SMG6: variants seen among roughly 807,000 people sequenced by gnomAD.
SMG6 encodes the protein SMG6 nonsense mediated mRNA decay factor.
SMG6 carries 66 observed loss-of-function variants against 142.2 expected under a neutral mutation model. The observed-to-expected ratio is 0.46, with a 90% CI of 0.38 to 0.57. The LOEUF is 0.57. Among genes scored for constraint, SMG6 ranks in the 20% least tolerant of loss-of-function variants. The pLI, the probability that SMG6 is intolerant of heterozygous loss-of-function variation, is 0.00. For missense variants in SMG6, 1,793 were observed against 1,832.0 expected (o/e 0.98, Z 0.39); for synonymous variants, 779 against 702.4 (o/e 1.11, Z -1.72).
chr17:2,303,367 G>A (rs1470229886), intron 1 of SMG6: 16 of 1,223,634 alleles, frequency 1.3e-5, no homozygotes, highest in Non-Finnish European at 2.0e-6. Flanking sequence ...GGGGCAAAAG[G>A]AACAGTCACC....
At chr17:2,203,905 G>A (rs2072604317) in intron 10 of SMG6, among the ~76,000 whole-genome samples, 1 of 152,158 alleles carries the variant, frequency 6.6e-6, no homozygotes, top group Non-Finnish European at 1.5e-5. Flanking sequence ...AGAGGGGCAG[G>A]GAAGTGTTCT....
At chr17:2,182,884 C>T (rs1202587953) in intron 12 of SMG6, among the ~76,000 whole-genome samples, 3 of 134,078 alleles carry the variant, frequency 2.2e-5, no homozygotes, top group Admixed American at 1.7e-4. Context: ...AAGAGGGAAA[C>T]GAGAAATGGC....
intron 3 of SMG6, 26 bp from the exon 4 acceptor site, chr17:2,297,379 T>G: frequency 1.3e-6 from 2 of 1,546,350 alleles, no homozygotes; most frequent in Non-Finnish European, 1.8e-6. Flanking sequence ...AAGAAATGAC[T>G]GAATCAATCT....
At chr17:2,064,755 C>T (rs2067888604) in intron 18 of SMG6, among the ~76,000 whole-genome samples, 1 of 151,646 alleles carries the variant, frequency 6.6e-6, no homozygotes, top group Admixed American at 6.6e-5. Flanking sequence ...ATCATAAAGA[C>T]ATTCTTGCTG....
At chr17:2,271,922 A>G (rs1341812036) in intron 8 of SMG6, among the ~76,000 whole-genome samples, 1 of 152,210 alleles carries the variant, frequency 6.6e-6, no homozygotes, top group Non-Finnish European at 1.5e-5. Flanking sequence ...TGTGGGGTAA[A>G]AGATTCAGTC....
At chr17:2,117,913 A>G (rs1211809142) in intron 13 of SMG6, 1 of 152,008 alleles carries the variant, frequency 6.6e-6, no homozygotes, top group Non-Finnish European at 1.5e-5. Flanking sequence ...ATATGGGGGG[A>G]AAAAAGTTTT....
At chr17:2,106,329 G>A (rs1333253336) in intron 13 of SMG6, among the ~76,000 whole-genome samples, 1 of 152,082 alleles carries the variant, frequency 6.6e-6, no homozygotes, top group African/African-American at 2.4e-5. Flanking sequence ...TCCATGCCCT[G>A]TTATGCCAGA....
At chr17:2,070,764 A>T (rs1207151125) in intron 15 of SMG6, among the ~76,000 whole-genome samples, 1 of 151,900 alleles carries the variant, frequency 6.6e-6, no homozygotes, top group Non-Finnish European at 1.5e-5. Flanking sequence ...TACTGATCTC[A>T]CCTCATGAGA....
At chr17:2,069,053 A>G (rs1450109375) in intron 15 of SMG6, 122 bp from the exon 16 acceptor site, 1 of 946,588 alleles carries the variant, frequency 1.1e-6, no homozygotes, top group East Asian at 2.6e-5. Flanking sequence ...CTCCACAGTA[A>G]TAACCAGTCC....
chr17:2,142,660 G>A (rs1199319128), intron 13 of SMG6, among the ~76,000 whole-genome samples: 2 of 151,950 alleles, frequency 1.3e-5, no homozygotes, highest in Non-Finnish European at 2.9e-5. Flanking sequence ...GAGGTGGGCG[G>A]ATCACCTGAG....
intron 10 of SMG6, among the ~76,000 whole-genome samples, chr17:2,220,369 G>A: frequency 6.6e-6 from 1 of 152,334 alleles, no homozygotes; most frequent in East Asian, 1.9e-4. Flanking sequence ...AGCGGCTCAT[G>A]CCTGTAATCC....
chr17:2,227,408 T>C (rs1231629356), intron 10 of SMG6, among the ~76,000 whole-genome samples: 1 of 152,208 alleles, frequency 6.6e-6, no homozygotes, highest in Non-Finnish European at 1.5e-5. Flanking sequence ...TACTGATACA[T>C]GTAACAACAT....
chr17:2,240,562 C>G (rs748513412), intron 9 of SMG6, among the ~76,000 whole-genome samples: 1 of 151,944 alleles, frequency 6.6e-6, no homozygotes, highest in Non-Finnish European at 1.5e-5. Flanking sequence ...AACCACTGAT[C>G]AGGTTAGTTG....
At position 2,061,463 on chromosome 17, in the gene SMG6, C is replaced by T. The variant is rs762549957; in HGVS notation, c.*29G>A. On this transcript the variant is annotated 3_prime_UTR_variant, in exon 19 of 19. Coordinates refer to ENST00000263073, the MANE Select transcript of SMG6 (RefSeq NM_017575.5). Reference sequence around the variant, plus strand: ...CCTGGTGGCCTTTCAGGAACGGTTCCACGGGGGGGGGGCCCCAGTGTGGCT... The same window carrying T: ...CCTGGTGGCCTTTCAGGAACGGTTCTACGGGGGGGGGGCCCCAGTGTGGCT... The T allele has an allele frequency of 7.0e-7, 1 of 1,438,780 alleles. No homozygotes were observed. Among genetic ancestry groups the T allele is most frequent in the Non-Finnish European group, 9.1e-7 (1 of 1,094,488 alleles). 89.1% of individuals were successfully genotyped at this position (1,438,780 alleles called of 1,614,324 possible).
At position 2,065,669 on chromosome 17, in the gene SMG6, C is replaced by T; in HGVS notation, c.3846G>A (p.Glu1282=). Residue 1282 remains glutamate, a synonymous_variant, in exon 17 of 19, where the codon GAG becomes GAA. Coordinates refer to ENST00000263073, the MANE Select transcript of SMG6 (RefSeq NM_017575.5). ...ILVVPLIVIN[E]LDGLAKGQET... Reference sequence around the variant, plus strand: ...CCTGCCCCTTGGCCAGGCCGTCCAGCTCATTGATCACTGATGAGATAGAGC... The same window carrying T: ...CCTGCCCCTTGGCCAGGCCGTCCAGTTCATTGATCACTGATGAGATAGAGC... The T allele has an allele frequency of 6.2e-7, 1 of 1,612,498 alleles. No homozygotes were observed. The highest frequency in any genetic ancestry group is 8.5e-7 in the Non-Finnish European group (1 of 1,179,842).
intron 12 of SMG6, among the ~76,000 whole-genome samples, chr17:2,183,062 T>TA (rs1012727773): frequency 1.4e-3 from 220 of 152,004 alleles, no homozygotes; most frequent in African/African-American, 5.1e-3. Flanking sequence ...CATCTCTATT[T>TA]AAAAAATACA....
intron 13 of SMG6, among the ~76,000 whole-genome samples, chr17:2,148,170 G>A (rs1567637088): frequency 1.3e-5 from 2 of 152,000 alleles, no homozygotes; most frequent in African/African-American, 4.8e-5. Context: ...CAGCCTGGGC[G>A]ACAGAGTGAG....
chr17:2,106,197 C>T (rs2069150660), intron 13 of SMG6, among the ~76,000 whole-genome samples: 1 of 152,164 alleles, frequency 6.6e-6, no homozygotes, highest in African/African-American at 2.4e-5. Context: ...ATAGAATTTT[C>T]CCTTTCCACC....
At chr17:2,181,530 G>C (rs985339250) in intron 12 of SMG6, among the ~76,000 whole-genome samples, 1 of 152,244 alleles carries the variant, frequency 6.6e-6, no homozygotes, top group African/African-American at 2.4e-5. Context: ...GCCCGGACTG[G>C]CTTCACGAGA....
Sources: allele counts gnomAD v4.1 joint callset (sites outside exome capture counted in the v4.1 genomes callset), GRCh38; gene constraint gnomAD v4.1.1; transcripts MANE v1.5; gene names NCBI Gene and HGNC (gene_info 2026-07-23, HGNC 2026-07-21).